Variants in KLF8 observed in about 807,000 individuals in gnomAD.
The protein encoded by KLF8 is Krueppel-like factor 8.
A neutral mutation model predicts 18.2 loss-of-function variants in KLF8; 10 were observed. The ratio of observed to expected loss-of-function variants is 0.55; its 90% CI spans 0.34 to 0.93. The LOEUF is 0.93. Ranked by LOEUF, KLF8 falls within the 40% of genes least tolerant of loss-of-function variation. KLF8 has a pLI of 0.02. For missense variants in KLF8, 264 were observed against 277.9 expected (o/e 0.95, Z 0.36); for synonymous variants, 109 against 97.3 (o/e 1.12, Z -0.71).
the KLF8 span, among the ~76,000 whole-genome samples, chrX:56,054,769 C>G: frequency 8.9e-6 from 1 of 111,886 alleles, no homozygotes; most frequent in African/African-American, 3.2e-5. Context: ...TCAGAGTACT[C>G]CTATGCTCGG....
chrX:56,178,836 G>T, the KLF8 span, among the ~76,000 whole-genome samples: 1 of 111,763 alleles, frequency 8.9e-6, no homozygotes, highest in Admixed American at 9.5e-5. Context: ...CTGTTCCATT[G>T]GTATATATGT....
At chrX:56,193,367 G>A in the KLF8 span, among the ~76,000 whole-genome samples, 8 of 111,869 alleles carry the variant, frequency 7.2e-5, no homozygotes, top group African/African-American at 2.6e-4. Flanking sequence ...GTACATTTTG[G>A]GTGGGGTTGT....
chrX:55,997,884 G>A, the KLF8 span, among the ~76,000 whole-genome samples: 5 of 110,070 alleles, frequency 4.5e-5, no homozygotes, highest in African/African-American at 1.3e-4. Context: ...AAGGGGACCT[G>A]GGGAACCAGC....
chrX:55,971,473 T>C, the KLF8 span, among the ~76,000 whole-genome samples: 1 of 110,853 alleles, frequency 9.0e-6, no homozygotes, highest in African/African-American at 3.3e-5. Flanking sequence ...AAGAAAACAT[T>C]GAGGAAACTC....
the KLF8 span, among the ~76,000 whole-genome samples, chrX:56,126,752 C>CTTTTT: frequency 5.5e-5 from 4 of 72,594 alleles, no homozygotes; most frequent in East Asian, 4.5e-4. Flanking sequence ...TTCTTTCTTT[C>CTTTTT]TTTTTTTTTT....
At chrX:56,225,933 T>C in the KLF8 span, among the ~76,000 whole-genome samples, 1 of 112,559 alleles carries the variant, frequency 8.9e-6, no homozygotes, top group African/African-American at 3.2e-5. Context: ...ATTAGACTCC[T>C]GGCCTCAAGG....
the KLF8 span, among the ~76,000 whole-genome samples, chrX:55,998,403 C>T: frequency 8.9e-6 from 1 of 112,556 alleles, no homozygotes; most frequent in South Asian, 3.7e-4. Flanking sequence ...AAACCTTGGA[C>T]AATACCTGTC....
chrX:56,048,970 A>G, the KLF8 span, among the ~76,000 whole-genome samples: 1 of 111,496 alleles, frequency 9.0e-6, no homozygotes, highest in Admixed American at 9.5e-5. Context: ...GTTCTCCTTG[A>G]AGAGTTCCTT....
the KLF8 span, among the ~76,000 whole-genome samples, chrX:55,949,333 CTGTGTGTGTGTG>C: frequency 1.2e-4 from 11 of 88,174 alleles, no homozygotes; most frequent in East Asian, 4.0e-4. Flanking sequence ...TTTTCATATG[CTGTGTGTGTGTG>C]TGTGTGTGTG....
chrX:55,974,541 GTGTT>G, the KLF8 span, among the ~76,000 whole-genome samples: 20 of 111,920 alleles, frequency 1.8e-4, no homozygotes, highest in South Asian at 1.1e-3. Context: ...TGAATACACT[GTGTT>G]TGGTCATTTA....
At chrX:56,184,122 A>C in the KLF8 span, among the ~76,000 whole-genome samples, 55 of 112,366 alleles carry the variant, frequency 4.9e-4, no homozygotes, top group Non-Finnish European at 1.5e-4. Context: ...TCCTAGTCAA[A>C]GAAAGGGGTG....
chrX:55,999,246 C>T, the KLF8 span, among the ~76,000 whole-genome samples: 1 of 85,993 alleles, frequency 1.2e-5, no homozygotes, highest in Non-Finnish European at 2.2e-5. Flanking sequence ...ACTATAACCT[C>T]GTATTATAAT....
chrX:56,270,786 A>G (rs1484451448), intron 5 of KLF8, among the ~76,000 whole-genome samples: 1 of 110,836 alleles, frequency 9.0e-6, no homozygotes, highest in African/African-American at 3.3e-5. Flanking sequence ...TCCACTAACC[A>G]TTAACGTGTC....
Position 56,250,874 on chromosome X carries a change from T to C in KLF8, c.81+570T>C, listed in dbSNP as rs775256557. ...GTTACAGTTTGAGTCCAAAAGCAGA[T>C]TGTGAGAAGAATTCTTTCTTGCTCT... On this transcript the variant is annotated intron_variant, in intron 2 of 5. Transcript: ENST00000468660. 2.7e-5 allele frequency among the ~76,000 whole-genome samples: 3 copies of C among 111,957 alleles called. No homozygotes were observed. In the East Asian group the frequency reaches 8.4e-4, roughly 32 times the overall value.
chrX:56,222,331 A>T, the KLF8 span, among the ~76,000 whole-genome samples: 1 of 110,139 alleles, frequency 9.1e-6, no homozygotes, highest in African/African-American at 3.3e-5. Flanking sequence ...CCTTATCTAG[A>T]CATAAAGATT....
At chrX:55,974,740 G>A in the KLF8 span, among the ~76,000 whole-genome samples, 2 of 112,469 alleles carry the variant, frequency 1.8e-5, no homozygotes, top group Non-Finnish European at 3.8e-5. Flanking sequence ...TGCCTTTACA[G>A]ATATTATAGT....
the KLF8 span, among the ~76,000 whole-genome samples, chrX:56,039,431 T>C: frequency 2.7e-5 from 3 of 111,924 alleles, no homozygotes; most frequent in African/African-American, 9.7e-5. Flanking sequence ...TGCCTATGGG[T>C]AGCCAGCACT....
the KLF8 span, among the ~76,000 whole-genome samples, chrX:56,050,375 G>A: frequency 8.9e-6 from 1 of 111,941 alleles, no homozygotes; most frequent in Non-Finnish European, 1.9e-5. Flanking sequence ...GTCAATTTTA[G>A]ATCTTTCCTG....
At chrX:56,118,576 A>T in the KLF8 span, among the ~76,000 whole-genome samples, 1 of 111,464 alleles carries the variant, frequency 9.0e-6, no homozygotes, top group African/African-American at 3.3e-5. Flanking sequence ...AGGCCTAAAG[A>T]GACTAGATGA....
Sources: gnomAD v4.1 joint callset for allele counts (sites outside exome capture counted in the v4.1 genomes callset) on GRCh38, gnomAD v4.1.1 for gene constraint, MANE v1.5 for transcripts, NCBI Gene and HGNC (gene_info 2026-07-23, HGNC 2026-07-21) for gene names.